NEDD4L: variants seen among roughly 807,000 people sequenced by gnomAD.
NEDD4L encodes the protein E3 ubiquitin-protein ligase NEDD4-like.
In NEDD4L, 54 loss-of-function variants were observed where a neutral mutation model predicts 148.9. The observed-to-expected ratio is 0.36, with a 90% CI of 0.29 to 0.45. The LOEUF (loss-of-function observed/expected upper bound fraction) is 0.45. NEDD4L is among the 20% of genes least tolerant of loss of function. The probability of loss-of-function intolerance (pLI) is 1.00; values close to 1 mark genes in which losing one functional copy is unlikely to be tolerated. For synonymous variants in NEDD4L, 433 were observed against 440.7 expected (o/e 0.98, Z 0.22); for missense variants, 856 against 1,233.8 (o/e 0.69, Z 4.59).
At position 58,159,479 on chromosome 18, in the gene NEDD4L, C is replaced by T. The variant is rs532320621; in HGVS notation, c.49-6309C>T. On this transcript the variant is annotated intron_variant, in intron 1 of 30. Transcript: ENST00000400345. ...ATCATGGGGGAGGCTGTGAGTGTGT[C>T]GCGGTAGGGGGTACGTAGGAAATCT... Among the ~76,000 whole-genome samples the T allele has an allele frequency of 2.6e-5, 4 of 152,062 alleles. No individual in the cohort carries two copies. In the South Asian group the frequency reaches 6.3e-4, roughly 24 times the overall value.
intron 23 of NEDD4L, among the ~76,000 whole-genome samples, chr18:58,371,203 ATTTTT>A (rs34960405): frequency 2.9e-4 from 27 of 92,968 alleles, no homozygotes; most frequent in Middle Eastern, 9.1e-3. Context: ...TGCCTGGCTA[ATTTTT>A]TTTTTTTTTT....
At chr18:58,131,078 G>A (rs1411175210) in intron 1 of NEDD4L, among the ~76,000 whole-genome samples, 5 of 141,930 alleles carry the variant, frequency 3.5e-5, no homozygotes, top group Non-Finnish European at 6.1e-5. Flanking sequence ...GGCAGTGTTG[G>A]GCTCTGGATT....
chr18:58,176,255 TC>T (rs1474477237), intron 2 of NEDD4L, among the ~76,000 whole-genome samples: 2 of 152,034 alleles, frequency 1.3e-5, no homozygotes, highest in Non-Finnish European at 2.9e-5. Context: ...CTCTCCTGCC[TC>T]CCTCATTCAC....
chr18:58,289,810 A>G (rs1363819384), intron 5 of NEDD4L, among the ~76,000 whole-genome samples: 2 of 152,346 alleles, frequency 1.3e-5, no homozygotes, highest in Non-Finnish European at 2.9e-5. Flanking sequence ...TGAAATCTAT[A>G]TGCACAAATT....
At chr18:58,261,975 A>C (rs750068914) in intron 5 of NEDD4L, among the ~76,000 whole-genome samples, 1 of 152,194 alleles carries the variant, frequency 6.6e-6, no homozygotes, top group Admixed American at 6.5e-5. Context: ...TCCTCTGTAA[A>C]TGTCAAAGGA....
chr18:58,217,164 A>C (rs1276492614), intron 2 of NEDD4L, among the ~76,000 whole-genome samples: 1 of 152,216 alleles, frequency 6.6e-6, no homozygotes, highest in Admixed American at 6.5e-5. Flanking sequence ...CACATTTGTA[A>C]GGCATTGGAA....
chr18:58,280,066 G>A (rs536810982), intron 5 of NEDD4L, among the ~76,000 whole-genome samples: 90 of 152,200 alleles, frequency 5.9e-4, no homozygotes, highest in African/African-American at 2.1e-3. Context: ...TTTTTTGCGG[G>A]GGGAGGAGGT....
intron 28 of NEDD4L, 98 bp from the exon 29 acceptor site, chr18:58,390,548 T>A (rs1432075370): frequency 4.0e-6 from 3 of 749,012 alleles, no homozygotes; most frequent in Non-Finnish European, 7.0e-6. Context: ...GGTCTTACAT[T>A]GCAATATAAA....
At chr18:58,167,925 A>G (rs1317616341) in intron 2 of NEDD4L, among the ~76,000 whole-genome samples, 1 of 152,164 alleles carries the variant, frequency 6.6e-6, no homozygotes, top group African/African-American at 2.4e-5. Flanking sequence ...TCCCATTAAA[A>G]AAAAAAATTG....
At chr18:58,233,867 A>C (rs1425678695) in intron 2 of NEDD4L, among the ~76,000 whole-genome samples, 1 of 152,084 alleles carries the variant, frequency 6.6e-6, no homozygotes, top group Non-Finnish European at 1.5e-5. Flanking sequence ...CTAGTTTGTG[A>C]TGTTTGCCAG....
At chr18:58,288,853 A>G (rs2054291931) in intron 5 of NEDD4L, among the ~76,000 whole-genome samples, 1 of 152,220 alleles carries the variant, frequency 6.6e-6, no homozygotes, top group Non-Finnish European at 1.5e-5. Flanking sequence ...TCCAGTTAGT[A>G]AATATCACGA....
chr18:58,390,083 G>A (rs1213745824), intron 28 of NEDD4L: 1 of 152,260 alleles, frequency 6.6e-6, no homozygotes, highest in Non-Finnish European at 1.5e-5. Flanking sequence ...TGTTTTAGAT[G>A]TTTGCCTACA....
chr18:58,116,811 T>A (rs1426709760), intron 1 of NEDD4L, among the ~76,000 whole-genome samples: 2 of 152,242 alleles, frequency 1.3e-5, no homozygotes, highest in Admixed American at 1.3e-4. Flanking sequence ...GAGCTGCTCT[T>A]CACACTGATG....
intron 2 of NEDD4L, among the ~76,000 whole-genome samples, chr18:58,235,567 C>T (rs550890690): frequency 3.7e-4 from 57 of 152,274 alleles, no homozygotes; most frequent in African/African-American, 1.3e-3. Flanking sequence ...TAGTTCCTGC[C>T]GTTAGAACTT....
intron 1 of NEDD4L, among the ~76,000 whole-genome samples, chr18:58,087,620 A>G (rs2083827156): frequency 6.6e-6 from 1 of 152,166 alleles, no homozygotes; most frequent in Non-Finnish European, 1.5e-5. Context: ...CATGCCTGTA[A>G]TCCCAGCACT....
intron 5 of NEDD4L, among the ~76,000 whole-genome samples, chr18:58,262,371 G>C (rs2049516373): frequency 1.3e-5 from 2 of 152,224 alleles, no homozygotes; most frequent in African/African-American, 4.8e-5. Context: ...GCTCATGTCT[G>C]TAATCCCAGC....
chr18:58,113,154 G>T (rs1599360831), intron 1 of NEDD4L, among the ~76,000 whole-genome samples: 1 of 152,166 alleles, frequency 6.6e-6, no homozygotes, highest in African/African-American at 2.4e-5. Context: ...TTTGTTAGAG[G>T]AACCCAAACT....
intron 2 of NEDD4L, among the ~76,000 whole-genome samples, chr18:58,188,012 T>A (rs1051123980): frequency 6.6e-6 from 1 of 152,196 alleles, no homozygotes; most frequent in Non-Finnish European, 1.5e-5. Context: ...ATGGTAGGGA[T>A]GTGAGATGTA....
At chr18:58,131,185 G>A (rs1296779578) in intron 1 of NEDD4L, among the ~76,000 whole-genome samples, 6 of 145,944 alleles carry the variant, frequency 4.1e-5, no homozygotes, top group African/African-American at 1.3e-4. Context: ...CCTTTGTTGG[G>A]ATTTGGTTGG....
Sources: allele counts gnomAD v4.1 joint callset (sites outside exome capture counted in the v4.1 genomes callset), GRCh38; gene constraint gnomAD v4.1.1; transcripts MANE v1.5; gene names NCBI Gene and HGNC (gene_info 2026-07-23, HGNC 2026-07-21).